PCDHGB7: variants seen among roughly 807,000 people sequenced by gnomAD.
PCDHGB7 encodes the protein protocadherin gamma-B7.
Under a neutral mutation model 61.4 loss-of-function variants are expected in PCDHGB7, and 37 were observed. The ratio of observed to expected loss-of-function variants is 0.60; its 90% confidence interval spans 0.46 to 0.79. The LOEUF (loss-of-function observed/expected upper bound fraction) is 0.79, where lower values mean the gene tolerates loss of function less well. Ranked by LOEUF, PCDHGB7 falls within the 30% of genes least tolerant of loss-of-function variation. The probability of loss-of-function intolerance (pLI) is 0.00; values close to 1 mark genes in which losing one functional copy is unlikely to be tolerated. For missense variants in PCDHGB7, 1,166 were observed against 1,202.5 expected (o/e 0.97, Z 0.45); for synonymous variants, 464 against 503.5 (o/e 0.92, Z 1.05).
chr5:141,459,510 T>G (rs1449866159), intron 1 of PCDHGB7, among the ~76,000 whole-genome samples: 1 of 152,252 alleles, frequency 6.6e-6, no homozygotes, highest in Non-Finnish European at 1.5e-5. Context: ...TGAACAATCA[T>G]GTACAAGTAT....
chr5:141,485,625 G>C lies in PCDHGB7; in HGVS notation c.2416-9182G>C. On this transcript the variant is annotated intron_variant, in intron 1 of 3. Transcript: ENST00000398594. This position sits in a 1 kb window ranked among gnomAD's most constrained non-coding sequence, Gnocchi z 5.7. ...GGGGAGGCAGCTCCTCCAGGACAGC[G>C]TTTCCCGTTGGAAAAGGCTCAGGAT... The C allele has an allele frequency of 6.2e-7, 1 of 1,611,968 alleles. No individual in the cohort carries two copies. Among genetic ancestry groups the C allele is most frequent in the Non-Finnish European group, 8.5e-7 (1 of 1,178,504 alleles).
chr5:141,427,955 G>A (rs749241312), intron 1 of PCDHGB7: 1 of 1,587,202 alleles, frequency 6.3e-7, no homozygotes, highest in Non-Finnish European at 8.6e-7. Context: ...ATGACAATGT[G>A]CCGCGGGTGC....
intron 2 of PCDHGB7, among the ~76,000 whole-genome samples, chr5:141,495,440 A>G (rs2099761377): frequency 6.6e-6 from 1 of 151,898 alleles, no homozygotes; most frequent in African/African-American, 2.4e-5. Context: ...CTCTGCCCCT[A>G]CTTGTCCTGC....
chr5:141,436,859 A>G (rs550974791), intron 1 of PCDHGB7, among the ~76,000 whole-genome samples: 7 of 152,250 alleles, frequency 4.6e-5, no homozygotes, highest in Non-Finnish European at 1.0e-4. Flanking sequence ...TTGAGAAGCC[A>G]CAGTTTTAGG....
chr5:141,431,768 G>T lies in PCDHGB7; in HGVS notation c.2415+11494G>T. 6.2e-7 allele frequency: 1 copy of T among 1,614,218 alleles called. No individual in the cohort carries two copies. The highest frequency in any genetic ancestry group is 8.5e-7 in the Non-Finnish European group (1 of 1,180,036). On this transcript the variant is annotated intron_variant, in intron 1 of 3. Coordinates refer to ENST00000398594, the MANE Select transcript of PCDHGB7 (RefSeq NM_018927.4). The surrounding 1 kb of genome is among the most constrained non-coding windows in gnomAD (Gnocchi z 4.8). ...TGCGCGAGCCAAAGTCCTGATCACT[G>T]TTCTGGACGTGAACGACAATGCCCC...
intron 1 of PCDHGB7, among the ~76,000 whole-genome samples, chr5:141,483,913 C>G (rs988014158): frequency 6.7e-6 from 1 of 148,188 alleles, no homozygotes; most frequent in African/African-American, 2.5e-5. Context: ...GTTTCCCACT[C>G]AGATTGCAGG....
In PCDHGB7 at chr5:141,477,073, G is replaced by A. The variant is rs755445666; in HGVS notation, c.2416-17734G>A. The A allele has an allele frequency of 1.2e-6, 2 of 1,614,264 alleles. No homozygotes were observed. The highest frequency in any genetic ancestry group is 2.2e-5 in the East Asian group (1 of 44,882). On this transcript the variant is annotated intron_variant, in intron 1 of 3. Coordinates refer to ENST00000398594, the MANE Select transcript of PCDHGB7 (RefSeq NM_018927.4). This position sits in a 1 kb window ranked among gnomAD's most constrained non-coding sequence, Gnocchi z 4.9. ...ACTTCGAGGACACCAAACTCCATGA[G>A]ATTTACATCCAGGCCAAAGACAAGG...
chr5:141,423,514 G>T (rs1208270970), intron 1 of PCDHGB7: 2 of 1,613,812 alleles, frequency 1.2e-6, no homozygotes, highest in Non-Finnish European at 1.7e-6. Flanking sequence ...TCTCATTGCG[G>T]ACTCGCAGAA....
intron 1 of PCDHGB7, chr5:141,441,629 G>T: frequency 4.5e-6 from 1 of 224,156 alleles, no homozygotes; most frequent in Non-Finnish European, 9.0e-6. Flanking sequence ...GTGACCTGGA[G>T]CCACAGGCGC....
chr5:141,443,849 T>A (rs1233479391), intron 1 of PCDHGB7, among the ~76,000 whole-genome samples: 2 of 152,136 alleles, frequency 1.3e-5, no homozygotes, highest in Admixed American at 1.3e-4. Flanking sequence ...ATATGGAAAG[T>A]CTGAAAACTG....
chr5:141,498,045 A>G (rs1368474174), intron 2 of PCDHGB7, among the ~76,000 whole-genome samples: 4 of 152,256 alleles, frequency 2.6e-5, no homozygotes, highest in Non-Finnish European at 4.4e-5. Flanking sequence ...AATTACAAAA[A>G]TAAATGTGAG....
At chr5:141,460,010 G>A (rs376180479) in intron 1 of PCDHGB7, among the ~76,000 whole-genome samples, 1 of 152,126 alleles carries the variant, frequency 6.6e-6, no homozygotes, top group Admixed American at 6.5e-5. Context: ...CCCAGGAGGC[G>A]GAGGTTGCAG....
Position 141,511,250 on chromosome 5 carries a change from CAG to C in PCDHGB7, c.*80_*81del. 2 of 1,571,674 alleles carry C rather than the reference CAG, an allele frequency of 1.3e-6. No homozygotes were observed. Among genetic ancestry groups the C allele is most frequent in the Non-Finnish European group, 1.7e-6 (2 of 1,158,794 alleles). On this transcript the variant is annotated 3_prime_UTR_variant, in exon 4 of 4. Transcript: ENST00000398594. ...CTTCTCCTTACCTGCACCCAGGCCT[CAG>C]AGTTTCAGGGCTAACCCCCAGAATA...
In PCDHGB7 at chr5:141,485,624, C is replaced by T; in HGVS notation, c.2416-9183C>T. 1 of 1,611,640 alleles carries T rather than the reference C, an allele frequency of 6.2e-7. No homozygotes were observed. The highest frequency in any genetic ancestry group is 1.1e-5 in the South Asian group (1 of 90,868). The stretch of plus-strand genomic sequence containing the variant: ...TGGGGAGGCAGCTCCTCCAGGACAG[C>T]GTTTCCCGTTGGAAAAGGCTCAGGA... On this transcript the variant is annotated intron_variant, in intron 1 of 3. Transcript: ENST00000398594. This position sits in a 1 kb window ranked among gnomAD's most constrained non-coding sequence, Gnocchi z 5.7.
At chr5:141,451,315 T>A (rs2154563546) in intron 1 of PCDHGB7, among the ~76,000 whole-genome samples, 1 of 152,330 alleles carries the variant, frequency 6.6e-6, no homozygotes, top group South Asian at 2.1e-4. Context: ...GCAATTAAAG[T>A]GTCACCTAAG....
At chr5:141,422,777 C>T in intron 1 of PCDHGB7, 1 of 1,613,982 alleles carries the variant, frequency 6.2e-7, no homozygotes, top group Non-Finnish European at 8.5e-7. Context: ...GTTCTCTATG[C>T]CCTACAATCC....
At position 141,493,482 on chromosome 5, in the gene PCDHGB7, G is replaced by A. The variant is rs184736387; in HGVS notation, c.2416-1325G>A. ...TTTTAGGACCTTACATGTGGGGAAA[G>A]TCTTCTGTGGCTCCTCATTTCTGAG... On this transcript the variant is annotated intron_variant, in intron 1 of 3. Coordinates refer to ENST00000398594, the MANE Select transcript of PCDHGB7 (RefSeq NM_018927.4). This position sits in a 1 kb window ranked among gnomAD's most constrained non-coding sequence, Gnocchi z 4.3. Among the ~76,000 whole-genome samples the A allele has an allele frequency of 1.5e-3, 229 of 152,324 alleles. No homozygotes were observed. Among genetic ancestry groups the A allele is most frequent in the Non-Finnish European group, 2.2e-3 (147 of 68,030 alleles).
intron 1 of PCDHGB7, among the ~76,000 whole-genome samples, chr5:141,466,506 G>A (rs1417729031): frequency 6.6e-6 from 1 of 152,156 alleles, no homozygotes; most frequent in Non-Finnish European, 1.5e-5. Context: ...GCACAGACAA[G>A]ATCATTTTTT....
In PCDHGB7 at chr5:141,511,618, T is replaced by C. The variant is rs1227028784; in HGVS notation, c.*445T>C. 4.3e-6 allele frequency: 1 copy of C among 232,232 alleles called. No homozygotes were observed. Among genetic ancestry groups the C allele is most frequent in the East Asian group, 9.9e-5 (1 of 10,122 alleles). 14.4% of individuals were successfully genotyped at this position (232,232 alleles called of 1,614,324 possible). A position where few individuals can be genotyped will look rare whatever the true frequency, so the allele number is the denominator to read the frequency against. ...AAGTAACCTACAAGCCTCCTAGTTCTGAAAAGTTGGAAGGGCATCATGACC... is the reference window on the plus strand; with the variant it reads ...AAGTAACCTACAAGCCTCCTAGTTCCGAAAAGTTGGAAGGGCATCATGACC... On this transcript the variant is annotated 3_prime_UTR_variant, in exon 4 of 4. Transcript: ENST00000398594.
Sources: allele counts gnomAD v4.1 joint callset (sites outside exome capture counted in the v4.1 genomes callset), GRCh38; gene constraint gnomAD v4.1.1; non-coding constraint Gnocchi (gnomAD v3.1); transcripts MANE v1.5; gene names NCBI Gene and HGNC (gene_info 2026-07-23, HGNC 2026-07-21).